BICD2: variants seen among roughly 807,000 people sequenced by gnomAD.
The protein encoded by BICD2 is BICD cargo adaptor 2.
A neutral mutation model predicts 72.9 loss-of-function variants in BICD2; 25 were observed. The ratio of observed to expected loss-of-function variants is 0.34; its 90% CI spans 0.25 to 0.48. The LOEUF is 0.48. BICD2 is among the 20% of genes least tolerant of loss of function. The pLI, the probability that BICD2 is intolerant of heterozygous loss-of-function variation, is 0.99. For synonymous variants in BICD2, 501 were observed against 516.1 expected (o/e 0.97, Z 0.40); for missense variants, 894 against 1,175.2 (o/e 0.76, Z 3.50).
At position 92,714,752 on chromosome 9, in the gene BICD2, C is replaced by T. The variant is rs1243659950; in HGVS notation, c.*402G>A. ...TGCTTTCTAGTGCTGACATTAGACA[C>T]ATGCGAGGAACATGCAAGTCTCAAC... is the stretch of plus-strand genomic sequence containing the variant. On this transcript the variant is annotated 3_prime_UTR_variant, in exon 7 of 7. Transcript: ENST00000356884. The T allele has an allele frequency of 7.9e-6, 8 of 1,011,688 alleles. No individual in the cohort carries two copies. The highest frequency in any genetic ancestry group is 9.4e-6 in the Non-Finnish European group (8 of 847,882). The allele number at this position is 1,011,688 out of a possible 1,614,324, so 62.7% of individuals were successfully genotyped here.
At chr9:92,739,035 C>A (rs1490841904) in intron 1 of BICD2, among the ~76,000 whole-genome samples, 1 of 152,148 alleles carries the variant, frequency 6.6e-6, no homozygotes, top group Non-Finnish European at 1.5e-5. Context: ...TCCCAGGAAT[C>A]CCACTAGTCC....
chr9:92,714,872 TCA>T lies in BICD2; in HGVS notation c.*280_*281del, dbSNP rs1236365104. On this transcript the variant is annotated 3_prime_UTR_variant, in exon 7 of 7. Coordinates refer to ENST00000356884, the MANE Select transcript of BICD2 (RefSeq NM_001003800.2). ...GCGCAGGGCTTAGAAGATGCTTTCA[TCA>T]CACATCTGCTGCAAGAATGTGCAGC... 4 of 1,223,852 alleles carry T rather than the reference TCA, an allele frequency of 3.3e-6. No individual in the cohort carries two copies. The highest frequency in any genetic ancestry group is 2.0e-6 in the Non-Finnish European group (2 of 979,014). The allele number at this position is 1,223,852 out of a possible 1,614,324, so 75.8% of individuals were successfully genotyped here.
intron 1 of BICD2, among the ~76,000 whole-genome samples, chr9:92,742,670 A>G (rs1363749707): frequency 6.6e-6 from 1 of 151,954 alleles, no homozygotes. Flanking sequence ...GGCGTGAGCC[A>G]CTGTGCCCGG....
At chr9:92,753,743 G>A (rs1435850281) in intron 1 of BICD2, among the ~76,000 whole-genome samples, 1 of 151,650 alleles carries the variant, frequency 6.6e-6, no homozygotes, top group Non-Finnish European at 1.5e-5. Flanking sequence ...GTTTCACCGT[G>A]TTAGCCAGGA....
intron 1 of BICD2, among the ~76,000 whole-genome samples, chr9:92,758,808 C>A (rs1409298585): frequency 6.6e-6 from 1 of 151,608 alleles, no homozygotes; most frequent in African/African-American, 2.4e-5. Context: ...GAGCCAAGAT[C>A]GCGCCATTGC....
chr9:92,736,228 C>G (rs1231817029), intron 1 of BICD2, among the ~76,000 whole-genome samples: 1 of 152,212 alleles, frequency 6.6e-6, no homozygotes, highest in Non-Finnish European at 1.5e-5. Context: ...TTACTACAAA[C>G]CCACCAAAAC....
intron 1 of BICD2, among the ~76,000 whole-genome samples, chr9:92,743,378 A>G (rs74559520): frequency 7.9e-6 from 1 of 126,856 alleles, no homozygotes; most frequent in African/African-American, 3.0e-5. Context: ...TTTTTTTTTT[A>G]AGAGATGGGG....
Position 92,713,158 on chromosome 9 carries a change from C to T in BICD2, c.*1996G>A. ...AAAGAACATGTGTAACAAGGAGCCC[C>T]CGTGGTGGGCGTTTCCAGTGGGCTC... On this transcript the variant is annotated 3_prime_UTR_variant, in exon 7 of 7. Transcript: ENST00000356884. 2.3e-6 allele frequency: 1 copy of T among 442,580 alleles called. No homozygotes were observed. Among genetic ancestry groups the T allele is most frequent in the Non-Finnish European group, 4.1e-6 (1 of 246,568 alleles). 27.4% of individuals were successfully genotyped at this position (442,580 alleles called of 1,614,324 possible).
Position 92,713,189 on chromosome 9 carries a change from G to A in BICD2, c.*1965C>T, listed in dbSNP as rs778313731. 3.9e-5 allele frequency: 18 copies of A among 461,204 alleles called. No individual in the cohort carries two copies. Among genetic ancestry groups the A allele is most frequent in the Non-Finnish European group, 5.4e-5 (14 of 258,888 alleles). The allele number at this position is 461,204 out of a possible 1,614,324, so 28.6% of individuals were successfully genotyped here. On this transcript the variant is annotated 3_prime_UTR_variant, in exon 7 of 7. Transcript: ENST00000356884. ...TGGGCGTTTCCAGTGGGCTCCTGGCGAGCCTGGCAGCCAGGGAAGAAGGGT... is the reference window on the plus strand; with the variant it reads ...TGGGCGTTTCCAGTGGGCTCCTGGCAAGCCTGGCAGCCAGGGAAGAAGGGT...
intron 1 of BICD2, among the ~76,000 whole-genome samples, chr9:92,752,034 A>C (rs1426677520): frequency 2.0e-5 from 3 of 151,844 alleles, no homozygotes. Context: ...CGAACTCCTA[A>C]CCTCACGTGA....
chr9:92,722,518 G>C (rs902470358), intron 3 of BICD2, 138 bp downstream of exon 3: 4 of 1,137,750 alleles, frequency 3.5e-6, no homozygotes, highest in African/African-American at 3.1e-5. Context: ...TGCCTCCACA[G>C]TGGTAAAGCT....
intron 1 of BICD2, among the ~76,000 whole-genome samples, chr9:92,736,016 G>A (rs753803): frequency 0.28 from 41,869 of 152,102 alleles, 6,883 homozygotes; most frequent in East Asian, 0.76. Context: ...TGTCAGAGGC[G>A]TTTGAACCAG....
intron 1 of BICD2, among the ~76,000 whole-genome samples, chr9:92,736,935 T>A (rs749743703): frequency 6.6e-5 from 10 of 152,088 alleles, no homozygotes; most frequent in Non-Finnish European, 4.4e-5. Context: ...AGAATAGGCC[T>A]CAGGATGGAA....
intron 1 of BICD2, among the ~76,000 whole-genome samples, chr9:92,745,734 G>A (rs902599124): frequency 6.6e-6 from 1 of 152,214 alleles, no homozygotes; most frequent in African/African-American, 2.4e-5. Flanking sequence ...TCCTCTCACA[G>A]GTGAGAAACT....
At chr9:92,728,764 G>C (rs899833784) in intron 2 of BICD2, among the ~76,000 whole-genome samples, 1 of 152,252 alleles carries the variant, frequency 6.6e-6, no homozygotes, top group African/African-American at 2.4e-5. Context: ...CTCTGGACTT[G>C]CTCATGGGAC....
chr9:92,739,657 C>A (rs537996688), intron 1 of BICD2, among the ~76,000 whole-genome samples: 12 of 152,286 alleles, frequency 7.9e-5, no homozygotes, highest in African/African-American at 2.9e-4. Context: ...AACAGCAATT[C>A]AAGTCCAGCA....
chr9:92,729,135 G>A lies in BICD2; in HGVS notation c.342C>T (p.Tyr114=), dbSNP rs754430741. 15 of 1,614,134 alleles carry A rather than the reference G, an allele frequency of 9.3e-6. No homozygotes were observed. Among genetic ancestry groups the A allele is most frequent in the Middle Eastern group, 3.3e-4 (2 of 6,084 alleles). ...IQESASKEQY[Y]VRKVLELQTE... is the part of the protein sequence containing the mutation. ...TCTGCAGCTCTAGCACCTTCCGCAC[G>A]TAGTACTGCTCCTTGGAGGCCGACT... is the stretch of plus-strand genomic sequence containing the variant. Residue 114 remains tyrosine (Y), a synonymous_variant, in exon 2 of 7, where the codon TAC becomes TAT. Coordinates refer to ENST00000356884, the MANE Select transcript of BICD2 (RefSeq NM_001003800.2).
At position 92,720,630 on chromosome 9, in the gene BICD2, C is replaced by T. The variant is rs1853445582; in HGVS notation, c.732G>A (p.Leu244=). The change falls in exon 4 of 7, where the codon CTG becomes CTA. Residue 244 remains leucine (L), a synonymous_variant. Coordinates refer to ENST00000356884, the MANE Select transcript of BICD2 (RefSeq NM_001003800.2). This position sits in a 1 kb window ranked among gnomAD's most constrained non-coding sequence, Gnocchi z 5.4. The stretch of plus-strand genomic sequence containing the variant: ...GTTCGCGCTCCGTCTTCAGGGTCTC[C>T]AGCGCCTCCTCCAGCTGCCGCTCTG... The part of the protein sequence containing the change: ...EISERQLEEA[L]ETLKTEREQK... 2 of 1,614,060 alleles carry T rather than the reference C, an allele frequency of 1.2e-6. No individual in the cohort carries two copies. The highest frequency in any genetic ancestry group is 1.7e-6 in the Non-Finnish European group (2 of 1,180,036).
chr9:92,751,340 G>A (rs1010596339), intron 1 of BICD2, among the ~76,000 whole-genome samples: 3 of 152,008 alleles, frequency 2.0e-5, no homozygotes, highest in Non-Finnish European at 4.4e-5. Context: ...TAGTAGAGAC[G>A]GGTTTTCGTC....
Sources: gnomAD v4.1 joint callset for allele counts (sites outside exome capture counted in the v4.1 genomes callset) on GRCh38, gnomAD v4.1.1 for gene constraint, Gnocchi (gnomAD v3.1) non-coding constraint, MANE v1.5 for transcripts, NCBI Gene and HGNC (gene_info 2026-07-23, HGNC 2026-07-21) for gene names.